SPOCK1: variants seen among roughly 807,000 people sequenced by gnomAD.
SPOCK1 encodes testican-1.
SPOCK1 carries 23 observed loss-of-function variants against 55.3 expected under a neutral mutation model. The ratio of observed to expected loss-of-function variants is 0.42; its 90% CI spans 0.30 to 0.59. The LOEUF is 0.59. Ranked by LOEUF, SPOCK1 falls within the 20% of genes least tolerant of loss-of-function variation. SPOCK1 has a pLI of 0.22. For synonymous variants in SPOCK1, 226 were observed against 221.0 expected, an observed-to-expected ratio of 1.02 and a Z score of -0.20; for missense variants, 499 against 552.5, an observed-to-expected ratio of 0.90 and a Z score of 0.97.
At chr5:137,367,621 C>T (rs1322691474) in intron 2 of SPOCK1, among the ~76,000 whole-genome samples, 1 of 152,156 alleles carries the variant, frequency 6.6e-6, no homozygotes, top group African/African-American at 2.4e-5. Context: ...ATGGCTATCC[C>T]ATGTTGAGCC....
chr5:137,469,912 G>A (rs1308417826), intron 2 of SPOCK1, among the ~76,000 whole-genome samples: 1 of 152,198 alleles, frequency 6.6e-6, no homozygotes, highest in Non-Finnish European at 1.5e-5. Context: ...GCTGCTATGA[G>A]GTGGGCTTTG....
At chr5:137,056,596 AT>A (rs34976496) in intron 6 of SPOCK1, among the ~76,000 whole-genome samples, 2,020 of 147,344 alleles carry the variant, frequency 0.014, 15 homozygotes, top group Middle Eastern at 0.049. Flanking sequence ...AAGGACTTTT[AT>A]TTTTTTTTTT....
chr5:137,176,530 A>G (rs77513306), intron 3 of SPOCK1, among the ~76,000 whole-genome samples: 6,518 of 127,286 alleles, frequency 0.051, 471 homozygotes, highest in African/African-American at 0.21. Context: ...GTGTGTGTGT[A>G]GGTACATGTG....
intron 2 of SPOCK1, among the ~76,000 whole-genome samples, chr5:137,496,082 G>A (rs1754293380): frequency 1.3e-5 from 2 of 151,854 alleles, no homozygotes; most frequent in Admixed American, 1.3e-4. Context: ...TTTTCTTTTT[G>A]TTATGTCTTG....
At chr5:137,122,427 T>A (rs1753704690) in intron 4 of SPOCK1, among the ~76,000 whole-genome samples, 1 of 152,202 alleles carries the variant, frequency 6.6e-6, no homozygotes, top group African/African-American at 2.4e-5. Context: ...TGCGCTCTGT[T>A]TTAAAAATCC....
At chr5:136,979,310 T>A (rs1248084647) in intron 10 of SPOCK1, 22 bp downstream of exon 10, 2 of 1,613,602 alleles carry the variant, frequency 1.2e-6, no homozygotes, top group Non-Finnish European at 1.7e-6. Flanking sequence ...ATTGTGGGGC[T>A]CATGCAGGAG....
chr5:137,360,754 A>G (rs1460969626), intron 2 of SPOCK1, among the ~76,000 whole-genome samples: 1 of 152,228 alleles, frequency 6.6e-6, no homozygotes, highest in African/African-American at 2.4e-5. Context: ...TCCCAAAGAA[A>G]GCTGGTAGAT....
intron 2 of SPOCK1, among the ~76,000 whole-genome samples, chr5:137,402,965 AC>A (rs575162756): frequency 1.4e-3 from 211 of 152,298 alleles, no homozygotes; most frequent in African/African-American, 4.8e-3. Flanking sequence ...CTCCAAAACA[AC>A]AGGCTCATCT....
At chr5:137,378,422 T>C (rs1751377206) in intron 2 of SPOCK1, among the ~76,000 whole-genome samples, 2 of 152,218 alleles carry the variant, frequency 1.3e-5, no homozygotes, top group Admixed American at 1.3e-4. Context: ...TCCAGCTCCA[T>C]ACACTGTGGA....
In SPOCK1 at chr5:136,977,523, C is replaced by T. The variant is rs1241915220; in HGVS notation, c.*1131G>A. 6.2e-6 allele frequency: 2 copies of T among 325,012 alleles called. No homozygotes were observed. Among genetic ancestry groups the T allele is most frequent in the Non-Finnish European group, 1.1e-5 (2 of 180,430 alleles). 20.1% of individuals were successfully genotyped at this position (325,012 alleles called of 1,614,324 possible). Reference sequence around the variant, plus strand: ...TGAGTTCAGAATTAGAAATTTTCTTCTTTTAAGGAACACCATGGTACTCTC... The same window carrying T: ...TGAGTTCAGAATTAGAAATTTTCTTTTTTTAAGGAACACCATGGTACTCTC... On this transcript the variant is annotated 3_prime_UTR_variant, in exon 11 of 11. Coordinates refer to ENST00000394945, the MANE Select transcript of SPOCK1 (RefSeq NM_004598.4).
chr5:137,481,306 C>T (rs1392225327), intron 2 of SPOCK1, among the ~76,000 whole-genome samples: 3 of 152,182 alleles, frequency 2.0e-5, no homozygotes, highest in Admixed American at 6.5e-5. Flanking sequence ...CCTGTTTATC[C>T]AAGTATAGCC....
intron 2 of SPOCK1, among the ~76,000 whole-genome samples, chr5:137,487,692 G>A (rs1265385044): frequency 1.3e-5 from 2 of 152,182 alleles, no homozygotes; most frequent in Non-Finnish European, 2.9e-5. Context: ...CAAATATGCT[G>A]AGATGATCCC....
At chr5:137,453,155 C>A in intron 2 of SPOCK1, among the ~76,000 whole-genome samples, 1 of 152,056 alleles carries the variant, frequency 6.6e-6, no homozygotes, top group East Asian at 1.9e-4. Context: ...AAATAAGGCA[C>A]GCTTCTGAAA....
In SPOCK1 at chr5:137,335,035, G is replaced by A. The variant is rs531975375; in HGVS notation, c.187-67980C>T. On this transcript the variant is annotated intron_variant, in intron 2 of 10. Coordinates refer to ENST00000394945, the MANE Select transcript of SPOCK1 (RefSeq NM_004598.4). ...CGGCACATTTACAGAGACAGAAGGC[G>A]GACCAGCAGTTGCCTGGGGTTAGGG... 9.8e-5 allele frequency among the ~76,000 whole-genome samples: 15 copies of A among 152,340 alleles called. No homozygotes were observed. The South Asian group carries it at 2.1e-3, about 21-fold the overall frequency.
At chr5:137,488,246 G>A (rs369266663) in intron 2 of SPOCK1, among the ~76,000 whole-genome samples, 8 of 152,042 alleles carry the variant, frequency 5.3e-5, no homozygotes, top group Non-Finnish European at 1.2e-4. Context: ...GCGTGGTGGC[G>A]CATGACTGTA....
intron 6 of SPOCK1, among the ~76,000 whole-genome samples, chr5:137,023,960 ATT>A (rs34202986): frequency 5.9e-4 from 76 of 129,874 alleles, no homozygotes; most frequent in African/African-American, 1.9e-3. Flanking sequence ...TCAATATAGT[ATT>A]TTTTTTTTTT....
intron 3 of SPOCK1, among the ~76,000 whole-genome samples, chr5:137,166,230 TG>T (rs1200992327): frequency 6.6e-6 from 1 of 152,050 alleles, no homozygotes; most frequent in Non-Finnish European, 1.5e-5. Context: ...AACTTTTCAG[TG>T]GAAACCTTAT....
At chr5:137,223,675 A>G (rs1276316417) in intron 3 of SPOCK1, among the ~76,000 whole-genome samples, 1 of 152,222 alleles carries the variant, frequency 6.6e-6, no homozygotes, top group African/African-American at 2.4e-5. Flanking sequence ...AATAATGAGC[A>G]AAAACATGTT....
chr5:137,285,648 G>C (rs974629303), intron 2 of SPOCK1, among the ~76,000 whole-genome samples: 2 of 152,220 alleles, frequency 1.3e-5, no homozygotes, highest in African/African-American at 4.8e-5. Flanking sequence ...CTTAAAGACA[G>C]GAAAAAGACA....
Sources: gnomAD v4.1 joint callset for allele counts (sites outside exome capture counted in the v4.1 genomes callset) on GRCh38, gnomAD v4.1.1 for gene constraint, MANE v1.5 for transcripts, NCBI Gene and HGNC (gene_info 2026-07-23, HGNC 2026-07-21) for gene names.